MTCL1: variants seen among roughly 807,000 people sequenced by gnomAD.
MTCL1 encodes microtubule crosslinking factor 1.
In MTCL1, 79 loss-of-function variants were observed where a neutral mutation model predicts 141.4. The ratio of observed to expected loss-of-function variants is 0.56; its 90% CI spans 0.47 to 0.67. MTCL1 has a LOEUF of 0.67. MTCL1 is among the 30% of genes least tolerant of loss of function. The pLI is 0.00. For synonymous variants in MTCL1, 914 were observed against 875.8 expected (o/e 1.04, Z -0.77); for missense variants, 2,177 against 2,113.9 (o/e 1.03, Z -0.59).
At chr18:8,751,152 CA>C (rs1273722086) in intron 4 of MTCL1, among the ~76,000 whole-genome samples, 1 of 152,144 alleles carries the variant, frequency 6.6e-6, no homozygotes, top group Non-Finnish European at 1.5e-5. Context: ...CTGTTGAGAA[CA>C]AAATATTTAT....
exon 15 of MTCL1, chr18:8,826,167 G>C: frequency 6.2e-7 from 1 of 1,612,398 alleles, no homozygotes; most frequent in Non-Finnish European, 8.5e-7. Flanking sequence ...GGCTGCCCAC[G>C]GGCCCCCGGG....
chr18:8,750,985 C>T (rs148404304), intron 4 of MTCL1, among the ~76,000 whole-genome samples: 53 of 152,134 alleles, frequency 3.5e-4, no homozygotes, highest in Middle Eastern at 3.4e-3. Flanking sequence ...CAGTGTGCAC[C>T]GTGGCCAGGC....
intron 8 of MTCL1, 117 bp downstream of exon 7, chr18:8,793,237 C>G (rs1406394143): frequency 7.0e-7 from 1 of 1,436,340 alleles, no homozygotes; most frequent in African/African-American, 1.4e-5. Context: ...TGCTAGACTC[C>G]TGGGCACGTA....
chr18:8,724,934 C>T (rs2096198235), intron 4 of MTCL1, among the ~76,000 whole-genome samples: 1 of 151,202 alleles, frequency 6.6e-6, no homozygotes, highest in Non-Finnish European at 1.5e-5. Context: ...ACCCACACGC[C>T]CTCTGCTTGT....
At chr18:8,737,774 C>T (rs533599327) in intron 4 of MTCL1, among the ~76,000 whole-genome samples, 2 of 152,220 alleles carry the variant, frequency 1.3e-5, no homozygotes, top group South Asian at 4.1e-4. Context: ...TGGGGTCGTG[C>T]GGGGCTCCAT....
At chr18:8,746,309 C>T (rs2096337647) in intron 4 of MTCL1, among the ~76,000 whole-genome samples, 1 of 152,214 alleles carries the variant, frequency 6.6e-6, no homozygotes, top group Admixed American at 6.5e-5. Flanking sequence ...AAGGAACCGC[C>T]CCACTGTTTT....
intron 4 of MTCL1, among the ~76,000 whole-genome samples, chr18:8,733,456 A>G (rs2096261290): frequency 6.6e-6 from 1 of 152,024 alleles, no homozygotes; most frequent in African/African-American, 2.4e-5. Context: ...CTCAGGCTGG[A>G]GTGAAGTGGC....
At chr18:8,787,705 C>G (rs1195890748) in intron 7 of MTCL1, among the ~76,000 whole-genome samples, 4 of 152,248 alleles carry the variant, frequency 2.6e-5, no homozygotes, top group African/African-American at 7.2e-5. Context: ...CAGTATGAAT[C>G]AGGAGTTTTA....
chr18:8,820,527 T>C lies in MTCL1; in HGVS notation c.3157-940T>C, dbSNP rs115541776. ...GAAGAGTTCATATCAAATAGTGTTA[T>C]TGAAGTATGCAGAAATTATATTTCA... On this transcript the variant is annotated intron_variant, in intron 13 of 16. Coordinates refer to ENST00000359865, the Ensembl canonical transcript of MTCL1. 7.3e-3 allele frequency among the ~76,000 whole-genome samples: 1,110 copies of C among 152,364 alleles called. 16 individuals are homozygous for C. The highest frequency in any genetic ancestry group is 0.025 in the African/African-American group (1,059 of 41,574).
chr18:8,738,035 G>T (rs183688268), intron 4 of MTCL1, among the ~76,000 whole-genome samples: 46 of 152,278 alleles, frequency 3.0e-4, no homozygotes, highest in Admixed American at 1.2e-3. Context: ...CAACAGTTTA[G>T]TCAATAATTT....
At chr18:8,782,072 C>T (rs1260392412) in intron 5 of MTCL1, 3 of 152,322 alleles carry the variant, frequency 2.0e-5, no homozygotes, top group Non-Finnish European at 4.4e-5. Context: ...CCGAGGGAGG[C>T]ATTTCTCTTT....
intron 4 of MTCL1, among the ~76,000 whole-genome samples, chr18:8,725,879 T>G (rs2096206891): frequency 7.0e-6 from 1 of 143,046 alleles, no homozygotes; most frequent in African/African-American, 2.6e-5. Context: ...AAGCTCTGCC[T>G]CCCGGGTTCA....
At chr18:8,750,905 T>C (rs2096367431) in intron 4 of MTCL1, among the ~76,000 whole-genome samples, 1 of 152,184 alleles carries the variant, frequency 6.6e-6, no homozygotes, top group African/African-American at 2.4e-5. Context: ...AGGCCTGCAG[T>C]TGCCTTCTCT....
chr18:8,710,353 C>G (rs2096080615), intron 1 of MTCL1, among the ~76,000 whole-genome samples: 1 of 152,048 alleles, frequency 6.6e-6, no homozygotes, highest in Non-Finnish European at 1.5e-5. Flanking sequence ...TCTTGTTGTC[C>G]TTTGACCTCT....
chr18:8,790,569 A>G (rs2075686237), intron 7 of MTCL1, among the ~76,000 whole-genome samples: 1 of 152,246 alleles, frequency 6.6e-6, no homozygotes, highest in Non-Finnish European at 1.5e-5. Context: ...TTACTGCTGT[A>G]TCCCCCACGC....
At chr18:8,737,277 AGGC>A (rs1236823240) in intron 4 of MTCL1, among the ~76,000 whole-genome samples, 1 of 152,230 alleles carries the variant, frequency 6.6e-6, no homozygotes, top group African/African-American at 2.4e-5. Flanking sequence ...CTCTTGCACT[AGGC>A]TCTGTTTTGA....
At chr18:8,752,658 A>C (rs2096377758) in intron 4 of MTCL1, among the ~76,000 whole-genome samples, 1 of 152,216 alleles carries the variant, frequency 6.6e-6, no homozygotes, top group African/African-American at 2.4e-5. Flanking sequence ...CCAATTGTTA[A>C]ACACAATAGA....
chr18:8,794,956 A>T (rs1278443839), intron 8 of MTCL1, among the ~76,000 whole-genome samples: 1 of 152,244 alleles, frequency 6.6e-6, no homozygotes, highest in Non-Finnish European at 1.5e-5. Context: ...ACCCAAAAAA[A>T]GACCACGTTG....
At chr18:8,708,425 G>A (rs1024205507) in intron 1 of MTCL1, among the ~76,000 whole-genome samples, 1 of 138,930 alleles carries the variant, frequency 7.2e-6, no homozygotes, top group Admixed American at 7.3e-5. Flanking sequence ...CTATTTCACT[G>A]GATCTTCCCA....
Sources: allele counts gnomAD v4.1 joint callset (sites outside exome capture counted in the v4.1 genomes callset), GRCh38; gene constraint gnomAD v4.1.1; transcripts MANE v1.5; gene names NCBI Gene and HGNC (gene_info 2026-07-23, HGNC 2026-07-21).